The following GGTA1 variants were observed in gnomAD, a reference collection of about 807,000 sequenced individuals.
The protein encoded by GGTA1 is inactive N-acetyllactosaminide alpha-1,3-galactosyltransferase.
In GGTA1, 5 loss-of-function variants were observed where a neutral mutation model predicts 2.6. That is an observed-to-expected ratio of 1.92 (90% CI 1.00 to 4.04). GGTA1 has a LOEUF of 4.04. Among genes scored for constraint, GGTA1 ranks in the 30% most tolerant of loss-of-function variants. GGTA1 has a pLI of 0.00. For synonymous variants in GGTA1, 17 were observed against 5.0 expected (o/e 3.38, Z -3.19); for missense variants, 50 against 16.7 (o/e 2.99, Z -3.47).
chr9:121,476,459 G>A lies in GGTA1; in HGVS notation c.-9-8528C>T, dbSNP rs1466366059. Among the ~76,000 whole-genome samples the A allele has an allele frequency of 2.0e-5, 3 of 152,104 alleles. No homozygotes were observed. Among genetic ancestry groups the A allele is most frequent in the Non-Finnish European group, 4.4e-5 (3 of 68,014 alleles). ...TCCTTGGCCCAGAAACAAGTCCTTTGGAGCTAAGATTCCCCAGTAATCCCC... is the reference window on the plus strand; with the variant it reads ...TCCTTGGCCCAGAAACAAGTCCTTTAGAGCTAAGATTCCCCAGTAATCCCC... On this transcript the variant is annotated intron_variant, in intron 1 of 5. Transcript: ENST00000481799. This position sits in a 1 kb window ranked among gnomAD's most constrained non-coding sequence, Gnocchi z 4.6.
At chr9:121,448,903 G>A (rs2064864712) in intron 7 of GGTA1, among the ~76,000 whole-genome samples, 1 of 152,178 alleles carries the variant, frequency 6.6e-6, no homozygotes, top group African/African-American at 2.4e-5. Context: ...ATAATGACAT[G>A]TATCCACCAT....
At chr9:121,474,944 A>G (rs1828474226) in intron 1 of GGTA1, among the ~76,000 whole-genome samples, 1 of 152,072 alleles carries the variant, frequency 6.6e-6, no homozygotes, top group Non-Finnish European at 1.5e-5. Flanking sequence ...ATGGGTCCAG[A>G]CTGGCACAGG....
intron 5 of GGTA1, among the ~76,000 whole-genome samples, chr9:121,456,712 A>G (rs1003046120): frequency 6.6e-6 from 1 of 152,078 alleles, no homozygotes; most frequent in Non-Finnish European, 1.5e-5. Flanking sequence ...TACCATGCCC[A>G]GCCGGAAGCA....
intron 1 of GGTA1, among the ~76,000 whole-genome samples, chr9:121,484,593 C>G (rs1292926719): frequency 6.6e-6 from 1 of 152,160 alleles, no homozygotes; most frequent in Non-Finnish European, 1.5e-5. Context: ...TTCAAATGTT[C>G]TACAATGAGA....
intron 5 of GGTA1, among the ~76,000 whole-genome samples, chr9:121,456,113 G>T (rs2064909259): frequency 6.6e-6 from 1 of 151,978 alleles, no homozygotes; most frequent in Admixed American, 6.6e-5. Flanking sequence ...AGTGACGGAG[G>T]GCAGCTCACA....
At chr9:121,487,163 C>T (rs1402822106) in intron 1 of GGTA1, among the ~76,000 whole-genome samples, 1 of 152,150 alleles carries the variant, frequency 6.6e-6, no homozygotes, top group African/African-American at 2.4e-5. Context: ...AGTCCTCAGC[C>T]CATTCCCAGT....
chr9:121,482,709 C>T (rs1445673379), intron 1 of GGTA1, among the ~76,000 whole-genome samples: 2 of 152,188 alleles, frequency 1.3e-5, no homozygotes, highest in Admixed American at 6.5e-5. Context: ...GTGGAGTTTG[C>T]GGTGAGCCAA....
chr9:121,476,606 G>GC lies in GGTA1; in HGVS notation c.-9-8676dup, dbSNP rs34844356. ...CACCCTGCTGCAGTGACCTACACGG[G>GC]CCCCTTGGTGTGATGATCAAATGAT... On this transcript the variant is annotated intron_variant, in intron 1 of 5. Transcript: ENST00000481799. The surrounding 1 kb of genome is among the most constrained non-coding windows in gnomAD (Gnocchi z 4.6). Among the ~76,000 whole-genome samples the GC allele has an allele frequency of 7.9e-5, 12 of 152,144 alleles. No homozygotes were observed. The highest frequency in any genetic ancestry group is 2.9e-5 in the Non-Finnish European group (2 of 68,022).
chr9:121,447,758 AG>A (rs2064858791), intron 7 of GGTA1, among the ~76,000 whole-genome samples: 1 of 152,156 alleles, frequency 6.6e-6, no homozygotes, highest in African/African-American at 2.4e-5. Context: ...TTTTATGGTT[AG>A]TAGGAGAATG....
intron 3 of GGTA1, chr9:121,462,846 G>GT (rs1212021503): frequency 1.9e-5 from 3 of 155,042 alleles, no homozygotes; most frequent in Non-Finnish European, 2.8e-5. Flanking sequence ...AAATATAAAG[G>GT]TTTACATGGC....
intron 1 of GGTA1, among the ~76,000 whole-genome samples, chr9:121,472,840 G>A (rs900778395): frequency 6.6e-6 from 1 of 152,160 alleles, no homozygotes; most frequent in Non-Finnish European, 1.5e-5. Context: ...AAACATTGGC[G>A]CTTACATCAG....
intron 1 of GGTA1, among the ~76,000 whole-genome samples, chr9:121,497,444 G>T (rs553510812): frequency 6.6e-6 from 1 of 152,188 alleles, no homozygotes; most frequent in East Asian, 1.9e-4. Flanking sequence ...ACCAACCTTA[G>T]AGCCAGAACT....
At chr9:121,492,365 G>A (rs1238004738) in intron 1 of GGTA1, among the ~76,000 whole-genome samples, 1 of 152,228 alleles carries the variant, frequency 6.6e-6, no homozygotes, top group African/African-American at 2.4e-5. Context: ...CCCATAGCTA[G>A]CAGCACCAGC....
downstream of GGTA1, among the ~76,000 whole-genome samples, chr9:121,453,101 C>G (rs1490651307): frequency 5.9e-5 from 9 of 152,184 alleles, no homozygotes. Flanking sequence ...GAAGAGATAT[C>G]TGGGTGGGAA....
intron 1 of GGTA1, chr9:121,494,591 G>T (rs756493297): frequency 1.3e-5 from 2 of 152,308 alleles, no homozygotes; most frequent in Non-Finnish European, 1.5e-5. Context: ...CTTGAGCCCA[G>T]GAGTTCTGGG....
At position 121,460,713 on chromosome 9, in the gene GGTA1, C is replaced by T. The variant is rs138873781; in HGVS notation, c.183-494G>A. 7.9e-5 allele frequency among the ~76,000 whole-genome samples: 12 copies of T among 152,112 alleles called. No individual in the cohort carries two copies. The East Asian group carries it at 1.9e-3, about 25-fold the overall frequency. ...TACAAAAATTAGCCGAGTGTGGTGG[C>T]GGGCGCCTGTAATCCCAGCTACTTG... On this transcript the variant is annotated intron_variant, in intron 4 of 5. Transcript: ENST00000481799.
intron 2 of GGTA1, among the ~76,000 whole-genome samples, chr9:121,463,636 C>G (rs1342366893): frequency 6.6e-6 from 1 of 152,126 alleles, no homozygotes; most frequent in Non-Finnish European, 1.5e-5. Flanking sequence ...AGATCCACCC[C>G]CGTTGGCCTC....
intron 1 of GGTA1, among the ~76,000 whole-genome samples, chr9:121,492,807 G>A (rs926366162): frequency 6.6e-6 from 1 of 151,920 alleles, no homozygotes; most frequent in Non-Finnish European, 1.5e-5. Flanking sequence ...CCCCCCTGAA[G>A]ATGAGAGCAC....
chr9:121,468,099 C>T (rs1242974796), intron 1 of GGTA1, among the ~76,000 whole-genome samples, 168 bp from the exon 2 acceptor site: 3 of 152,270 alleles, frequency 2.0e-5, no homozygotes, highest in Non-Finnish European at 2.9e-5. Flanking sequence ...TAGGTATACA[C>T]GTGCCATGGT....
Sources: allele counts gnomAD v4.1 joint callset (sites outside exome capture counted in the v4.1 genomes callset), GRCh38; gene constraint gnomAD v4.1.1; non-coding constraint Gnocchi (gnomAD v3.1); transcripts MANE v1.5; gene names NCBI Gene and HGNC (gene_info 2026-07-23, HGNC 2026-07-21).